The following FRMPD4 variants were observed in gnomAD, a reference collection of about 807,000 sequenced individuals.
The protein encoded by FRMPD4 is FERM and PDZ domain-containing protein 4.
A neutral mutation model predicts 94.1 loss-of-function variants in FRMPD4; 22 were observed. The ratio of observed to expected loss-of-function variants is 0.23; its 90% CI spans 0.17 to 0.33. The LOEUF is 0.33. Ranked by LOEUF, FRMPD4 falls within the 10% of genes least tolerant of loss-of-function variation. The pLI is 1.00. For synonymous variants in FRMPD4, 631 were observed against 548.6 expected (o/e 1.15, Z -2.10); for missense variants, 1,111 against 1,339.9 (o/e 0.83, Z 2.67).
chrX:12,641,957 C>T (rs1191312699), intron 4 of FRMPD4, among the ~76,000 whole-genome samples: 3 of 111,542 alleles, frequency 2.7e-5, no homozygotes, highest in Non-Finnish European at 5.6e-5. Flanking sequence ...AAAATGTTTG[C>T]GTCCCAGGCA....
chrX:12,010,936 A>G (rs1220738643), intron 3 of FRMPD4, among the ~76,000 whole-genome samples: 1 of 112,085 alleles, frequency 8.9e-6, no homozygotes, highest in African/African-American at 3.2e-5. Context: ...CATGGAGAAG[A>G]TATTTGAGAA....
intron 3 of FRMPD4, among the ~76,000 whole-genome samples, chrX:11,896,345 A>G (rs1485709701): frequency 8.9e-6 from 1 of 112,011 alleles, no homozygotes; most frequent in African/African-American, 3.3e-5. Flanking sequence ...GTCCCCCACA[A>G]AATTCAGATG....
At chrX:12,201,876 A>G (rs1205268905) in intron 1 of FRMPD4, among the ~76,000 whole-genome samples, 2 of 111,768 alleles carry the variant, frequency 1.8e-5, no homozygotes, top group Admixed American at 9.4e-5. Context: ...CTTCAATTTT[A>G]TGGCTGTAAA....
At chrX:11,997,041 G>T (rs983377224) in intron 3 of FRMPD4, among the ~76,000 whole-genome samples, 1 of 110,867 alleles carries the variant, frequency 9.0e-6, no homozygotes, top group Non-Finnish European at 1.9e-5. Context: ...TATGAGGGAG[G>T]TTCTTCTGTC....
At chrX:12,708,686 C>A (rs1051395440) in intron 13 of FRMPD4, among the ~76,000 whole-genome samples, 1 of 111,615 alleles carries the variant, frequency 9.0e-6, no homozygotes, top group African/African-American at 3.3e-5. Flanking sequence ...GAGACAACAC[C>A]AGCCTGGAGG....
intron 1 of FRMPD4, among the ~76,000 whole-genome samples, chrX:12,383,953 C>T (rs752425255): frequency 2.7e-5 from 3 of 110,957 alleles, no homozygotes; most frequent in African/African-American, 6.6e-5. Flanking sequence ...ACCACTAGAA[C>T]CCAGGGAGAT....
At chrX:12,514,673 TC>T (rs1223954663) in intron 2 of FRMPD4, among the ~76,000 whole-genome samples, 1 of 111,738 alleles carries the variant, frequency 8.9e-6, no homozygotes, top group Non-Finnish European at 1.9e-5. Flanking sequence ...CTGAAGTTTT[TC>T]TTTTTTGTTG....
intron 3 of FRMPD4, among the ~76,000 whole-genome samples, chrX:12,041,966 A>G (rs950539059): frequency 8.9e-6 from 1 of 112,192 alleles, no homozygotes; most frequent in African/African-American, 3.2e-5. Flanking sequence ...TTTCTCCTCT[A>G]GAATTTCAGT....
intron 3 of FRMPD4, among the ~76,000 whole-genome samples, chrX:12,111,483 G>T (rs2055360955): frequency 9.0e-6 from 1 of 111,238 alleles, no homozygotes; most frequent in African/African-American, 3.3e-5. Context: ...GAAAACCTAG[G>T]CATTACCATT....
intron 2 of FRMPD4, among the ~76,000 whole-genome samples, chrX:12,565,315 CAGTAG>C (rs2058701738): frequency 9.0e-6 from 1 of 111,182 alleles, no homozygotes; most frequent in Admixed American, 9.6e-5. Flanking sequence ...TGATTCCAAA[CAGTAG>C]AGTATAGAAA....
intron 3 of FRMPD4, among the ~76,000 whole-genome samples, chrX:11,910,714 C>G (rs2053992370): frequency 8.9e-6 from 1 of 111,877 alleles, no homozygotes; most frequent in African/African-American, 3.3e-5. Context: ...CTGTGCCTAG[C>G]CAATGACTGC....
At chrX:12,608,294 T>C (rs2059149663) in intron 2 of FRMPD4, among the ~76,000 whole-genome samples, 1 of 112,903 alleles carries the variant, frequency 8.9e-6, no homozygotes, top group Non-Finnish European at 1.9e-5. Context: ...AGTATTTTGA[T>C]CTCAGTTTTC....
chrX:12,334,205 C>A (rs948617416), intron 1 of FRMPD4, among the ~76,000 whole-genome samples: 9 of 111,878 alleles, frequency 8.0e-5, no homozygotes, highest in Non-Finnish European at 1.7e-4. Flanking sequence ...GTCATATTTT[C>A]TTCTTTCAGG....
intron 3 of FRMPD4, among the ~76,000 whole-genome samples, chrX:11,965,458 C>T (rs1291198544): frequency 1.8e-5 from 2 of 112,030 alleles, no homozygotes; most frequent in African/African-American, 3.2e-5. Context: ...AAATATGACA[C>T]ATCCATTTAC....
intron 1 of FRMPD4, among the ~76,000 whole-genome samples, chrX:12,337,370 A>G (rs2055544156): frequency 8.9e-6 from 1 of 112,282 alleles, no homozygotes; most frequent in African/African-American, 3.2e-5. Context: ...GAGAAATCAT[A>G]TGTACCTGAT....
intron 1 of FRMPD4, among the ~76,000 whole-genome samples, chrX:11,860,890 T>G (rs2053682594): frequency 8.9e-6 from 1 of 112,018 alleles, no homozygotes; most frequent in African/African-American, 3.2e-5. Flanking sequence ...CATTTACCAC[T>G]AATTGTTCTT....
At position 11,914,295 on chromosome X, in the gene FRMPD4, T is replaced by C. The variant is rs183455435; in HGVS notation, c.95+36277T>C. Reference sequence around the variant, plus strand: ...GTAGAAATATGACTTTTTTTTCTTTTTTTTTTTTTTTTGAAAACGTCTAAG... The same window carrying C: ...GTAGAAATATGACTTTTTTTTCTTTCTTTTTTTTTTTTGAAAACGTCTAAG... On this transcript the variant is annotated intron_variant, in intron 3 of 18. Coordinates refer to the FRMPD4 transcript ENST00000640291. 3.5e-3 allele frequency among the ~76,000 whole-genome samples: 376 copies of C among 106,704 alleles called. 3 individuals carry two copies. The highest frequency in any genetic ancestry group is 2.5e-3 in the Non-Finnish European group (131 of 51,682). The allele number at this position is 106,704 out of a possible 115,157, so 92.7% of individuals were successfully genotyped here.
chrX:12,223,868 T>A (rs1352930692), intron 1 of FRMPD4, among the ~76,000 whole-genome samples: 1 of 112,344 alleles, frequency 8.9e-6, no homozygotes, highest in African/African-American at 3.2e-5. Flanking sequence ...TAAGTGTCTT[T>A]TGAAATCTTT....
intron 1 of FRMPD4, among the ~76,000 whole-genome samples, chrX:12,392,720 CCTTCCTAT>C (rs1023959421): frequency 8.1e-5 from 9 of 111,086 alleles, no homozygotes; most frequent in Non-Finnish European, 1.5e-4. Flanking sequence ...TTCCTTCCTT[CCTTCCTAT>C]GTCTGTGAAT....
Sources: gnomAD v4.1 joint callset for allele counts (sites outside exome capture counted in the v4.1 genomes callset) on GRCh38, gnomAD v4.1.1 for gene constraint, MANE v1.5 for transcripts, NCBI Gene and HGNC (gene_info 2026-07-23, HGNC 2026-07-21) for gene names.